Variants in DAB1 observed in about 807,000 individuals in gnomAD.
The protein encoded by DAB1 is disabled homolog 1.
DAB1 carries 15 observed loss-of-function variants against 64.6 expected under a neutral mutation model. That is an observed-to-expected ratio of 0.23 (90% confidence interval 0.16 to 0.36). DAB1 has a LOEUF of 0.36. DAB1 is among the 10% of genes least tolerant of loss of function. The pLI, the probability that DAB1 is intolerant of heterozygous loss-of-function variation, is 1.00. For synonymous variants in DAB1, 235 were observed against 251.9 expected (o/e 0.93, Z 0.64); for missense variants, 596 against 706.7 (o/e 0.84, Z 1.78).
intron 7 of DAB1, among the ~76,000 whole-genome samples, chr1:57,638,045 A>G (rs975430559): frequency 6.6e-6 from 1 of 152,214 alleles, no homozygotes; most frequent in African/African-American, 2.4e-5. Context: ...TGTATTTATA[A>G]TCTGATACTA....
chr1:58,049,439 T>C, intron 5 of DAB1: 1 of 355,752 alleles, frequency 2.8e-6, no homozygotes, highest in African/African-American at 2.1e-5. Flanking sequence ...AGCAACCACA[T>C]TGAAAGGTTC....
intron 2 of DAB1, among the ~76,000 whole-genome samples, chr1:57,195,756 T>C (rs1364302126): frequency 6.6e-6 from 1 of 152,230 alleles, no homozygotes; most frequent in Non-Finnish European, 1.5e-5. Context: ...TGAAATGGCA[T>C]TAAAGAAGAG....
rs1358676764 is a variant in DAB1, at chr1:58,438,046, GGAGA to G, written n.257+68010_257+68013del. Among the ~76,000 whole-genome samples, 7 of 152,300 alleles carry G rather than the reference GGAGA, an allele frequency of 4.6e-5. No homozygotes were observed. The South Asian group carries it at 1.2e-3, about 27-fold the overall frequency. On this transcript the variant is annotated intron_variant and non_coding_transcript_variant, in intron 3 of 20. Coordinates refer to the DAB1 transcript ENST00000485760. ...GAGGTCAAGCAAACCTCAGAGATGA[GGAGA>G]GAGAAAGAATCTGACTGTGTGGAGA...
At chr1:57,453,297 A>T (rs756288391) in intron 7 of DAB1, among the ~76,000 whole-genome samples, 1 of 152,188 alleles carries the variant, frequency 6.6e-6, no homozygotes, top group Non-Finnish European at 1.5e-5. Flanking sequence ...ATTTAACCAT[A>T]TATGCAATTT....
At chr1:57,906,726 A>G (rs1644556688) in intron 5 of DAB1, among the ~76,000 whole-genome samples, 3 of 152,104 alleles carry the variant, frequency 2.0e-5, no homozygotes. Context: ...GAGGAGAGAG[A>G]ACCTTGTTAT....
At chr1:58,454,113 A>G (rs1645166809) in intron 3 of DAB1, among the ~76,000 whole-genome samples, 1 of 152,170 alleles carries the variant, frequency 6.6e-6, no homozygotes, top group Non-Finnish European at 1.5e-5. Flanking sequence ...CTGCTACACA[A>G]TTCTGGGCTT....
chr1:58,368,520 GT>G (rs2100532306), intron 3 of DAB1, among the ~76,000 whole-genome samples: 1 of 151,678 alleles, frequency 6.6e-6, no homozygotes, highest in Non-Finnish European at 1.5e-5. Flanking sequence ...AGAGACTCTT[GT>G]TTTCCCATTA....
At chr1:57,606,115 G>T (rs563288613) in intron 7 of DAB1, 9 of 439,212 alleles carry the variant, frequency 2.0e-5, no homozygotes, top group South Asian at 2.0e-4. Flanking sequence ...CATCTCCTGG[G>T]ATTTTACACT....
chr1:56,999,144 A>G (rs1467372603), intron 14 of DAB1, among the ~76,000 whole-genome samples: 1 of 152,204 alleles, frequency 6.6e-6, no homozygotes, highest in Non-Finnish European at 1.5e-5. Flanking sequence ...TTGAAACTTC[A>G]AAATGAATTG....
chr1:57,748,957 A>G (rs1648421636), intron 6 of DAB1, among the ~76,000 whole-genome samples: 1 of 152,210 alleles, frequency 6.6e-6, no homozygotes, highest in African/African-American at 2.4e-5. Flanking sequence ...TGCCCACATA[A>G]AATGCATTTT....
chr1:57,476,103 G>A (rs1643932226), intron 7 of DAB1, among the ~76,000 whole-genome samples: 1 of 151,882 alleles, frequency 6.6e-6, no homozygotes, highest in Non-Finnish European at 1.5e-5. Context: ...GCGCACGCCT[G>A]TAGTCCCAGC....
rs1645812010 is a variant in DAB1 at position 57,618,207 on chromosome 1, G to C, written n.625+31385C>G. Among the ~76,000 whole-genome samples, 3 of 152,162 alleles carry C rather than the reference G, an allele frequency of 2.0e-5. No homozygotes were observed. The South Asian group carries it at 6.2e-4, about 32-fold the overall frequency. On this transcript the variant is annotated intron_variant and non_coding_transcript_variant, in intron 7 of 20. Coordinates refer to the DAB1 transcript ENST00000485760. ...AGGTGGGTGGATCACTTGAGGTCAG[G>C]AGTTCAAGACCGGCCTAGCCAACAT...
chr1:58,193,767 A>G (rs1181844440), intron 4 of DAB1, among the ~76,000 whole-genome samples: 1 of 152,168 alleles, frequency 6.6e-6, no homozygotes, highest in Non-Finnish European at 1.5e-5. Flanking sequence ...GAGGCAGGAG[A>G]ATCACTTGAA....
At chr1:57,219,870 G>GA (rs1666722204) in intron 2 of DAB1, among the ~76,000 whole-genome samples, 1 of 152,132 alleles carries the variant, frequency 6.6e-6, no homozygotes, top group Admixed American at 6.5e-5. Flanking sequence ...AGCATTGAGA[G>GA]ACCCCTGAGC....
rs577793738 is a variant in DAB1 at position 58,021,141 on chromosome 1, A to G, written n.387+129370T>C. Among the ~76,000 whole-genome samples the G allele has an allele frequency of 2.6e-5, 4 of 152,378 alleles. No homozygotes were observed. The East Asian group carries it at 5.8e-4, about 22-fold the overall frequency. ...AAATTTGAACTAGTGACCTGACTTC[A>G]ATGCAAATTCATAGCTTAAGGGCTT... On this transcript the variant is annotated intron_variant and non_coding_transcript_variant, in intron 5 of 20. Transcript: ENST00000485760.
At chr1:57,730,797 G>A (rs1647376105) in intron 6 of DAB1, among the ~76,000 whole-genome samples, 1 of 152,142 alleles carries the variant, frequency 6.6e-6, no homozygotes, top group Non-Finnish European at 1.5e-5. Flanking sequence ...TGATTCAGAT[G>A]GCTATTACGA....
At chr1:58,531,503 A>G (rs1646433182) in intron 1 of DAB1, among the ~76,000 whole-genome samples, 1 of 152,180 alleles carries the variant, frequency 6.6e-6, no homozygotes. Flanking sequence ...ATTAAAGGTG[A>G]TTAGTAAATG....
chr1:57,319,382 A>G (rs77576034), intron 1 of DAB1, among the ~76,000 whole-genome samples: 4 of 139,226 alleles, frequency 2.9e-5, no homozygotes, highest in East Asian at 3.9e-4. Context: ...CTTCTGTGGC[A>G]GTTTTTCTAT....
intron 7 of DAB1, among the ~76,000 whole-genome samples, chr1:57,483,284 T>C (rs1357925917): frequency 1.3e-5 from 2 of 152,198 alleles, no homozygotes; most frequent in Non-Finnish European, 2.9e-5. Flanking sequence ...AATTTCCATG[T>C]GTTGTGAGGG....
Sources: allele counts gnomAD v4.1 joint callset (sites outside exome capture counted in the v4.1 genomes callset), GRCh38; gene constraint gnomAD v4.1.1; transcripts MANE v1.5; gene names NCBI Gene and HGNC (gene_info 2026-07-23, HGNC 2026-07-21).